TRDN: variants seen among roughly 807,000 people sequenced by gnomAD.
TRDN encodes triadin in skeletal muscle.
Under a neutral mutation model 149.7 loss-of-function variants are expected in TRDN, and 161 were observed. The observed-to-expected ratio is 1.08, with a 90% confidence interval of 0.95 to 1.23. TRDN has a LOEUF of 1.23. TRDN is among the 50% of genes most tolerant of loss of function. The pLI, the probability that TRDN is intolerant of heterozygous loss-of-function variation, is 0.00. For missense variants in TRDN, 896 were observed against 823.5 expected (o/e 1.09, Z -1.08); for synonymous variants, 294 against 250.5 (o/e 1.17, Z -1.64).
At chr6:123,353,725 T>C (rs1166206075) in intron 20 of TRDN, among the ~76,000 whole-genome samples, 1 of 151,604 alleles carries the variant, frequency 6.6e-6, no homozygotes, top group African/African-American at 2.4e-5. Context: ...AAAACAGATA[T>C]CCAAAAATTT....
intron 2 of TRDN, among the ~76,000 whole-genome samples, chr6:123,563,712 T>C (rs1368965704): frequency 6.6e-6 from 1 of 152,250 alleles, no homozygotes. Context: ...GAAGAGATAA[T>C]ACAGCAATTA....
At chr6:123,591,222 T>C (rs1285511625) in intron 1 of TRDN, among the ~76,000 whole-genome samples, 1 of 152,178 alleles carries the variant, frequency 6.6e-6, no homozygotes, top group Non-Finnish European at 1.5e-5. Context: ...TAACATATCA[T>C]TATATTTGTT....
chr6:123,351,175 T>C, intron 21 of TRDN: 2 of 984,332 alleles, frequency 2.0e-6, no homozygotes, highest in South Asian at 4.7e-5. Flanking sequence ...AGTAATTTGA[T>C]AATTTATGTC....
intron 8 of TRDN, among the ~76,000 whole-genome samples, chr6:123,501,030 TGG>T (rs1408685151): frequency 2.0e-5 from 3 of 151,866 alleles, no homozygotes; most frequent in Non-Finnish European, 4.4e-5. Flanking sequence ...CAGATTTAGA[TGG>T]GTTCATAAAA....
intron 8 of TRDN, among the ~76,000 whole-genome samples, chr6:123,500,399 T>C (rs1354987190): frequency 6.6e-6 from 1 of 152,174 alleles, no homozygotes; most frequent in African/African-American, 2.4e-5. Flanking sequence ...GTTTATCTGC[T>C]TAACCTATCT....
intron 12 of TRDN, among the ~76,000 whole-genome samples, chr6:123,397,287 A>T (rs968651187): frequency 7.9e-5 from 12 of 152,182 alleles, no homozygotes; most frequent in Non-Finnish European, 1.8e-4. Flanking sequence ...ATGGTAAAGC[A>T]GGTAGTGGGC....
chr6:123,426,588 C>A (rs1472630656), intron 12 of TRDN, among the ~76,000 whole-genome samples: 3 of 152,124 alleles, frequency 2.0e-5, no homozygotes, highest in East Asian at 3.9e-4. Flanking sequence ...GGTGTATTTT[C>A]TTCTTTCTCC....
intron 1 of TRDN, among the ~76,000 whole-genome samples, chr6:123,615,405 C>A (rs1785031034): frequency 6.6e-6 from 1 of 152,038 alleles, no homozygotes. Flanking sequence ...CCTAAGTATC[C>A]ATCCACAGAT....
intron 6 of TRDN, among the ~76,000 whole-genome samples, chr6:123,514,506 T>C (rs1372171187): frequency 6.6e-6 from 1 of 152,106 alleles, no homozygotes; most frequent in East Asian, 1.9e-4. Flanking sequence ...TATGCACACA[T>C]GCATACATAC....
intron 9 of TRDN, among the ~76,000 whole-genome samples, chr6:123,483,814 T>C (rs1038191755): frequency 6.6e-6 from 1 of 152,178 alleles, no homozygotes; most frequent in Admixed American, 6.5e-5. Flanking sequence ...GATTGATTAA[T>C]AGAACAACTT....
intron 19 of TRDN, among the ~76,000 whole-genome samples, chr6:123,374,254 C>T (rs1170098777): frequency 6.9e-6 from 1 of 145,812 alleles, no homozygotes; most frequent in Non-Finnish European, 1.5e-5. Flanking sequence ...GCAGAACTTA[C>T]AGATTTTTTT....
At chr6:123,372,103 G>T (rs1164323942) in intron 19 of TRDN, among the ~76,000 whole-genome samples, 5 of 151,980 alleles carry the variant, frequency 3.3e-5, no homozygotes, top group Non-Finnish European at 7.4e-5. Flanking sequence ...TATCAAGCAT[G>T]CTGGTTCAGG....
chr6:123,615,084 A>G (rs1173738245), intron 1 of TRDN, among the ~76,000 whole-genome samples: 1 of 152,204 alleles, frequency 6.6e-6, no homozygotes, highest in Non-Finnish European at 1.5e-5. Context: ...AGTGAAATGT[A>G]AATGAACACC....
chr6:123,496,974 C>A (rs1374713235), intron 9 of TRDN, among the ~76,000 whole-genome samples: 2 of 151,986 alleles, frequency 1.3e-5, no homozygotes, highest in Non-Finnish European at 2.9e-5. Flanking sequence ...ACATATTTTA[C>A]ATTTCAACTG....
In TRDN at chr6:123,316,496, C is replaced by T; in HGVS notation, c.1472-1G>A. The T allele has an allele frequency of 6.2e-7, 1 of 1,609,964 alleles. No individual in the cohort carries two copies. The highest frequency in any genetic ancestry group is 1.1e-5 in the South Asian group (1 of 90,924). ...TTTTCATCTTTTTTAGTTTCAGGTT[C>T]TGGGGCAAAACGTACACATAAACAC... On this transcript the variant is annotated splice_acceptor_variant, in intron 23 of 40. Coordinates refer to ENST00000334268, the MANE Select transcript of TRDN (RefSeq NM_006073.4). LOFTEE classifies it high-confidence loss of function.
At chr6:123,291,011 G>T (rs1777992158) in intron 24 of TRDN, among the ~76,000 whole-genome samples, 1 of 151,900 alleles carries the variant, frequency 6.6e-6, no homozygotes, top group Non-Finnish European at 1.5e-5. Flanking sequence ...ACAAAAATTA[G>T]CCAGACATGG....
rs35047281 is a variant in TRDN, at chr6:123,393,633, C to T, written c.1096G>A (p.Ala366Thr). The change falls in exon 13 of 41, where the codon GCA (alanine) becomes ACA (threonine). Residue 366 changes from alanine (A) to threonine (T), a missense_variant. Physicochemically the swap from Ala to Thr is moderately conservative, Grantham distance 58 (BLOSUM62 0). Coordinates refer to ENST00000334268, the MANE Select transcript of TRDN (RefSeq NM_006073.4). ...GTGTTTTATTGCTTACCTTGTGCTG[C>T]AATTTTTACAGTCCCTTGTTTGGTT... ...SETKQGTVKI[A>T]AQAAAKKDEK... 2.1e-3 allele frequency: 3,307 copies of T among 1,604,516 alleles called. 71 individuals carry two copies. The African/African-American group carries it at 0.039, about 19-fold the overall frequency.
intron 20 of TRDN, among the ~76,000 whole-genome samples, chr6:123,357,263 G>GT (rs1780718629): frequency 1.3e-5 from 2 of 152,080 alleles, no homozygotes; most frequent in South Asian, 4.2e-4. Flanking sequence ...GTAATTAAAT[G>GT]TATCACTTGA....
At chr6:123,281,980 GTTA>G (rs1428053299) in intron 24 of TRDN, among the ~76,000 whole-genome samples, 2 of 151,956 alleles carry the variant, frequency 1.3e-5, no homozygotes, top group Non-Finnish European at 2.9e-5. Context: ...AGTTTTTGCA[GTTA>G]TAATTAAGTT....
Sources: gnomAD v4.1 joint callset for allele counts (sites outside exome capture counted in the v4.1 genomes callset) on GRCh38, gnomAD v4.1.1 for gene constraint, MANE v1.5 for transcripts, NCBI Gene and HGNC (gene_info 2026-07-23, HGNC 2026-07-21) for gene names.